Variants in CTNNA3 observed in about 807,000 individuals in gnomAD.
CTNNA3 encodes catenin alpha-3.
In CTNNA3, 76 loss-of-function variants were observed where a neutral mutation model predicts 95.7. The ratio of observed to expected loss-of-function variants is 0.79; its 90% CI spans 0.66 to 0.96. CTNNA3 has a LOEUF of 0.96. Among genes scored for constraint, CTNNA3 ranks in the 40% least tolerant of loss-of-function variants. The pLI, the probability that CTNNA3 is intolerant of heterozygous loss-of-function variation, is 0.00. For missense variants in CTNNA3, 1,191 were observed against 1,089.8 expected (o/e 1.09, Z -1.31); for synonymous variants, 431 against 374.4 (o/e 1.15, Z -1.74).
At chr10:66,259,613 T>A (rs1368515686) in intron 13 of CTNNA3, among the ~76,000 whole-genome samples, 1 of 152,142 alleles carries the variant, frequency 6.6e-6, no homozygotes, top group Admixed American at 6.5e-5. Context: ...CTCAGTCTAC[T>A]TCAAACCCTA....
chr10:66,359,328 G>A (rs534542006), intron 12 of CTNNA3, among the ~76,000 whole-genome samples: 1 of 152,232 alleles, frequency 6.6e-6, no homozygotes, highest in South Asian at 2.1e-4. Context: ...ATTATAGAAG[G>A]AGATGGGGGT....
At chr10:66,690,989 C>T (rs575792164) in intron 9 of CTNNA3, among the ~76,000 whole-genome samples, 5 of 152,186 alleles carry the variant, frequency 3.3e-5, no homozygotes, top group East Asian at 3.9e-4. Flanking sequence ...CCAAGATGGC[C>T]GAATAGGAAC....
chr10:67,523,734 A>G (rs1264463174), intron 4 of CTNNA3, among the ~76,000 whole-genome samples: 2 of 152,168 alleles, frequency 1.3e-5, no homozygotes, highest in Non-Finnish European at 2.9e-5. Context: ...AGCCAAAATC[A>G]GTTCATTTTC....
At chr10:67,236,076 G>C (rs1282836471) in intron 5 of CTNNA3, among the ~76,000 whole-genome samples, 11 of 141,780 alleles carry the variant, frequency 7.8e-5, no homozygotes, top group South Asian at 2.3e-4. Context: ...CTGTAAACTA[G>C]TTCAACCATT....
intron 9 of CTNNA3, among the ~76,000 whole-genome samples, chr10:66,731,005 T>C (rs1157609827): frequency 6.6e-6 from 1 of 152,214 alleles, no homozygotes; most frequent in Admixed American, 6.5e-5. Flanking sequence ...TATTTTCCAA[T>C]TATGTGACAA....
intron 5 of CTNNA3, among the ~76,000 whole-genome samples, chr10:67,292,662 T>C (rs1839884966): frequency 6.6e-6 from 1 of 152,194 alleles, no homozygotes; most frequent in Admixed American, 6.5e-5. Flanking sequence ...TTATCAACGT[T>C]TGTAATAATG....
At chr10:66,869,936 T>A (rs1844333203) in intron 7 of CTNNA3, among the ~76,000 whole-genome samples, 1 of 152,220 alleles carries the variant, frequency 6.6e-6, no homozygotes, top group African/African-American at 2.4e-5. Context: ...AACTTACCTG[T>A]AATCATAAAA....
chr10:66,868,320 G>A (rs1313807277), intron 7 of CTNNA3, among the ~76,000 whole-genome samples: 12 of 148,630 alleles, frequency 8.1e-5, no homozygotes, highest in Admixed American at 2.7e-4. Flanking sequence ...AACCGAGATC[G>A]CGCCATTGCA....
chr10:66,265,403 C>G (rs936781234), intron 13 of CTNNA3, among the ~76,000 whole-genome samples: 5 of 151,942 alleles, frequency 3.3e-5, no homozygotes, highest in South Asian at 2.1e-4. Context: ...CAAGAGGAAA[C>G]TTCTTAAAAT....
rs553174606 is a variant in CTNNA3 at position 66,379,236 on chromosome 10, T to C, written c.1648A>G (p.Ile550Val). ...TAACTGTCCATTTCACCCGTGACGA[T>C]GTGAGCAACTCTTGCTGCCCGGCCT... ...IRGRAARVAHIVTGEMDSYEP... is the reference protein window; with the variant it reads ...IRGRAARVAHVVTGEMDSYEP... The change falls in exon 12 of 18, where the codon ATC (isoleucine) becomes GTC (valine). Residue 550 changes from isoleucine to valine, a missense_variant. Ile to Val is a conservative substitution (Grantham distance 29, BLOSUM62 3). Transcript: ENST00000433211. 16 of 1,614,168 alleles carry C rather than the reference T, an allele frequency of 9.9e-6. No individual in the cohort carries two copies. Among genetic ancestry groups the C allele is most frequent in the South Asian group, 6.6e-5 (6 of 91,088 alleles).
At chr10:66,257,444 G>A (rs911295080) in intron 13 of CTNNA3, among the ~76,000 whole-genome samples, 20 of 152,074 alleles carry the variant, frequency 1.3e-4, no homozygotes, top group African/African-American at 4.8e-4. Context: ...TCCATTATTA[G>A]GCCATGACTT....
At chr10:66,776,501 C>T (rs1840306640) in intron 7 of CTNNA3, among the ~76,000 whole-genome samples, 1 of 152,124 alleles carries the variant, frequency 6.6e-6, no homozygotes, top group South Asian at 2.1e-4. Flanking sequence ...CATGCATAAA[C>T]CCATACCCTG....
chr10:66,976,820 T>G (rs1441750682), intron 7 of CTNNA3, among the ~76,000 whole-genome samples: 2 of 152,196 alleles, frequency 1.3e-5, no homozygotes, highest in Non-Finnish European at 2.9e-5. Context: ...GTATAACAAG[T>G]CACAGGCCTC....
chr10:66,323,033 A>G (rs1043270223), intron 12 of CTNNA3, among the ~76,000 whole-genome samples: 1 of 151,918 alleles, frequency 6.6e-6, no homozygotes, highest in Non-Finnish European at 1.5e-5. Context: ...CTGAACAAAC[A>G]AAAGTCAGGA....
chr10:67,581,771 T>C (rs187052311), intron 3 of CTNNA3, among the ~76,000 whole-genome samples: 6 of 152,332 alleles, frequency 3.9e-5, no homozygotes, highest in Admixed American at 3.3e-4. Flanking sequence ...TTCAACTTCT[T>C]CCTGGTTTAG....
At chr10:67,380,516 T>C (rs1843900624) in intron 5 of CTNNA3, among the ~76,000 whole-genome samples, 1 of 152,150 alleles carries the variant, frequency 6.6e-6, no homozygotes, top group African/African-American at 2.4e-5. Context: ...TCATAGGTAA[T>C]AGGGAGGAAA....
At chr10:66,816,135 C>A (rs966998929) in intron 7 of CTNNA3, among the ~76,000 whole-genome samples, 1 of 152,074 alleles carries the variant, frequency 6.6e-6, no homozygotes, top group Non-Finnish European at 1.5e-5. Flanking sequence ...AATTAAATTT[C>A]CATAATTTAA....
chr10:65,948,538 T>C (rs1237526931), intron 17 of CTNNA3, among the ~76,000 whole-genome samples: 2 of 148,804 alleles, frequency 1.3e-5, no homozygotes, highest in Non-Finnish European at 3.0e-5. Flanking sequence ...TCCCCTATGG[T>C]TGTCAGTGTT....
At chr10:66,322,638 G>C (rs1399968065) in intron 12 of CTNNA3, among the ~76,000 whole-genome samples, 3 of 152,082 alleles carry the variant, frequency 2.0e-5, no homozygotes, top group African/African-American at 7.2e-5. Flanking sequence ...CAAGTGCCAG[G>C]AAAAGAACAA....
Sources: gnomAD v4.1 joint callset for allele counts (sites outside exome capture counted in the v4.1 genomes callset) on GRCh38, gnomAD v4.1.1 for gene constraint, MANE v1.5 for transcripts, NCBI Gene and HGNC (gene_info 2026-07-23, HGNC 2026-07-21) for gene names.